Variants in RPL3L observed in about 807,000 individuals in gnomAD.
The protein encoded by RPL3L is ribosomal protein L3 like.
RPL3L carries 44 observed loss-of-function variants against 44.5 expected under a neutral mutation model. The observed-to-expected ratio is 0.99, with a 90% CI of 0.78 to 1.27. RPL3L has a LOEUF of 1.27. Among genes scored for constraint, RPL3L ranks in the 50% most tolerant of loss-of-function variants. RPL3L has a pLI of 0.00. For missense variants in RPL3L, 631 were observed against 569.1 expected, an observed-to-expected ratio of 1.11 and a Z score of -1.11; for synonymous variants, 292 against 230.7, an observed-to-expected ratio of 1.27 and a Z score of -2.41.
chr16:1,952,128 TA>T (rs775521770), intron 3 of RPL3L, among the ~76,000 whole-genome samples: 13 of 150,854 alleles, frequency 8.6e-5, no homozygotes, highest in Admixed American at 4.0e-4. Flanking sequence ...TTTTTATTTT[TA>T]TTTTTTTTTT....
intron 1 of RPL3L, 24 bp downstream of exon 1, chr16:1,954,605 C>G (rs747026130): frequency 5.8e-6 from 9 of 1,543,260 alleles, no homozygotes; most frequent in African/African-American, 1.4e-5. Context: ...AACCCCAGCC[C>G]ACCCTCACCC....
At position 1,945,605 on chromosome 16, in the gene RPL3L, T is replaced by C. The variant is rs2083114871; in HGVS notation, c.1061A>G (p.His354Arg). 1.9e-6 allele frequency: 3 copies of C among 1,613,788 alleles called. No homozygotes were observed. In the African/African-American group the frequency reaches 4.0e-5, roughly 22 times the overall value. The change falls in exon 9 of 10, where the codon CAT (histidine) becomes CGT (arginine). Residue 354 changes from histidine (H) to arginine (R), a missense_variant. Physicochemically the swap from His to Arg is conservative, Grantham distance 29. Coordinates refer to ENST00000268661, the MANE Select transcript of RPL3L (RefSeq NM_005061.3). The stretch of plus-strand genomic sequence containing the variant: ...ATTCTCCACGGCTTGGCGACTGTGA[T>C]GCACCAGGAGGGACTGGGGAATCCA... ...VITLRKSLLV[H>R]HSRQAVENIE...
In RPL3L at chr16:1,944,714, A is replaced by C; in HGVS notation, c.*123T>G. 8.4e-7 allele frequency: 1 copy of C among 1,195,000 alleles called. No homozygotes were observed. Among genetic ancestry groups the C allele is most frequent in the Non-Finnish European group, 1.2e-6 (1 of 808,594 alleles). The allele number at this position is 1,195,000 out of a possible 1,614,324, so 74.0% of individuals were successfully genotyped here. A position where few individuals can be genotyped will look rare whatever the true frequency, so the allele number is the denominator to read the frequency against. ...ATCGGCTTTGTCTAGGCAGCAGGCAAGGTGAACCCCTTGGGCGGTTACACA... is the reference window on the plus strand; with the variant it reads ...ATCGGCTTTGTCTAGGCAGCAGGCACGGTGAACCCCTTGGGCGGTTACACA... On this transcript the variant is annotated 3_prime_UTR_variant, in exon 10 of 10. Coordinates refer to ENST00000268661, the MANE Select transcript of RPL3L (RefSeq NM_005061.3).
Position 1,945,592 on chromosome 16 carries a change from T to C in RPL3L, c.1074A>G (p.Gln358=), listed in dbSNP as rs758409167. Residue 358 remains glutamine, a synonymous_variant, in exon 9 of 10, where the codon CAA becomes CAG. Transcript: ENST00000268661. The part of the protein sequence containing the change: ...RKSLLVHHSR[Q]AVENIELKFI... ...ACTTGAGCTCAATATTCTCCACGGC[T>C]TGGCGACTGTGATGCACCAGGAGGG... 2 of 1,613,936 alleles carry C rather than the reference T, an allele frequency of 1.2e-6. No homozygotes were observed. The highest frequency in any genetic ancestry group is 1.7e-6 in the Non-Finnish European group (2 of 1,179,976).
chr16:1,951,067 C>A, intron 3 of RPL3L, 88 bp from the exon 4 acceptor site: 1 of 1,527,846 alleles, frequency 6.5e-7, no homozygotes, highest in Non-Finnish European at 8.8e-7. Flanking sequence ...CCCAGCCCAC[C>A]AAGCAGGGGT....
Position 1,951,009 on chromosome 16 carries a change from G to A in RPL3L, c.366-30C>T, listed in dbSNP as rs199584535. The A allele has an allele frequency of 1.1e-4, 181 of 1,608,692 alleles. No individual in the cohort carries two copies. The East Asian group carries it at 3.7e-3, about 33-fold the overall frequency. On this transcript the variant is annotated intron_variant, in intron 3 of 9. Coordinates refer to ENST00000268661, the MANE Select transcript of RPL3L (RefSeq NM_005061.3). ...GCCATGCACAGGAGGGTGCTCAGAA[G>A]CCCCCAACCGGGGCAGCTCCCCAGG... is the stretch of plus-strand genomic sequence containing the variant.
At chr16:1,954,262 G>A in intron 1 of RPL3L, 114 bp from the exon 2 acceptor site, 2 of 1,126,326 alleles carry the variant, frequency 1.8e-6, no homozygotes, top group Admixed American at 3.2e-5. Flanking sequence ...TGAGGCCTGT[G>A]CTCAGCACCT....
intron 3 of RPL3L, 131 bp downstream of exon 3, chr16:1,952,743 C>T: frequency 1.9e-6 from 2 of 1,034,556 alleles, no homozygotes; most frequent in Non-Finnish European, 2.8e-6. Context: ...ACACTCCTAC[C>T]TCCCACAGAC....
intron 4 of RPL3L, 149 bp downstream of exon 4, chr16:1,950,695 C>A: frequency 8.1e-7 from 1 of 1,232,882 alleles, no homozygotes; most frequent in Non-Finnish European, 1.1e-6. Flanking sequence ...CCTGGGGCTG[C>A]ACGTGGCCAG....
chr16:1,954,154 G>C lies in RPL3L; in HGVS notation c.4-6C>G, dbSNP rs761893389. The C allele has an allele frequency of 5.7e-6, 9 of 1,566,924 alleles. No homozygotes were observed. The South Asian group carries it at 8.3e-5, about 14-fold the overall frequency. On this transcript the variant is annotated splice_region_variant and splice_polypyrimidine_tract_variant and intron_variant, in intron 1 of 9. Coordinates refer to ENST00000268661, the MANE Select transcript of RPL3L (RefSeq NM_005061.3). ...GCGGAAAACTTCCGGTGGGACTGGG[G>C]GGCAGGAAGGAAGGAGGTCAGACCT...
Position 1,944,909 on chromosome 16 carries a change from G to C in RPL3L, c.1168-16C>G, listed in dbSNP as rs771731528. 4 of 1,605,404 alleles carry C rather than the reference G, an allele frequency of 2.5e-6. No homozygotes were observed. The highest frequency in any genetic ancestry group is 2.3e-5 in the East Asian group (1 of 44,414). On this transcript the variant is annotated splice_polypyrimidine_tract_variant and intron_variant, in intron 9 of 9. Transcript: ENST00000268661. ...TTTGGGGGCCCTGGTTGAGAGGGTGGTGCAGGAGGAGCCTTAGTCACTCTG... is the reference window on the plus strand; with the variant it reads ...TTTGGGGGCCCTGGTTGAGAGGGTGCTGCAGGAGGAGCCTTAGTCACTCTG...
Position 1,944,748 on chromosome 16 carries a change from A to C in RPL3L, c.*89T>G, listed in dbSNP as rs2531332. 644,470 of 1,570,090 alleles carry C rather than the reference A, an allele frequency of 0.41. 137,591 individuals are homozygous for C. Among genetic ancestry groups the C allele is most frequent in the South Asian group, 0.62 (55,858 of 90,240 alleles). Reference sequence around the variant, plus strand: ...CCTTGGGCGGTTACACAGCGCTCTGAGACCTCGCAGGAAGAGTCGCCTCCG... The same window carrying C: ...CCTTGGGCGGTTACACAGCGCTCTGCGACCTCGCAGGAAGAGTCGCCTCCG... On this transcript the variant is annotated 3_prime_UTR_variant, in exon 10 of 10. Coordinates refer to ENST00000268661, the MANE Select transcript of RPL3L (RefSeq NM_005061.3).
At position 1,950,889 on chromosome 16, in the gene RPL3L, G is replaced by T. The variant is rs148464643; in HGVS notation, c.456C>A (p.Ala152=). ...GAATGACCTTGCAGTACTTCTTCAT[G>T]GCGGCGAAGTCCTTCTGTAGCTGCT... ...GKKQLQKDFA[A]MKKYCKVIRV... is the part of the protein sequence containing the mutation. The change falls in exon 4 of 10, where the codon GCC becomes GCA. Residue 152 remains alanine, a synonymous_variant. Transcript: ENST00000268661. The T allele has an allele frequency of 2.5e-3, 4,072 of 1,614,088 alleles. 7 individuals carry two copies. The highest frequency in any genetic ancestry group is 3.1e-3 in the Non-Finnish European group (3,680 of 1,179,980).
intron 2 of RPL3L, among the ~76,000 whole-genome samples, chr16:1,953,722 C>T (rs1400193078): frequency 6.6e-6 from 1 of 152,244 alleles, no homozygotes; most frequent in Non-Finnish European, 1.5e-5. Flanking sequence ...GCCCCGGTGA[C>T]TGGACCAGGT....
In RPL3L at chr16:1,953,716, C is replaced by T. The variant is rs560505353; in HGVS notation, c.196+240G>A. Among the ~76,000 whole-genome samples the T allele has an allele frequency of 2.0e-5, 3 of 152,342 alleles. No individual in the cohort carries two copies. The East Asian group carries it at 5.8e-4, about 29-fold the overall frequency. ...ATCCTAGCTCCTGCGCTTACCGCCC[C>T]GGTGACTGGACCAGGTTCCTCACTG... On this transcript the variant is annotated intron_variant, in intron 2 of 9. Transcript: ENST00000268661.
intron 3 of RPL3L, 145 bp downstream of exon 3, chr16:1,952,729 A>G: frequency 2.2e-6 from 2 of 913,798 alleles, no homozygotes; most frequent in East Asian, 2.6e-5. Context: ...ACACACACAC[A>G]CAGACACTCC....
At chr16:1,951,909 CA>C (rs1255070241) in intron 3 of RPL3L, among the ~76,000 whole-genome samples, 2 of 151,802 alleles carry the variant, frequency 1.3e-5, no homozygotes, top group African/African-American at 4.8e-5. Context: ...CTAGGAAACT[CA>C]GAGCCAATGC....
At chr16:1,945,798 C>A (rs767589010) in intron 8 of RPL3L, 37 bp downstream of exon 8, 48 of 1,610,412 alleles carry the variant, frequency 3.0e-5, no homozygotes, top group Non-Finnish European at 4.0e-5. Context: ...TGGCAGCCCT[C>A]GGGCACCCAC....
intron 3 of RPL3L, among the ~76,000 whole-genome samples, chr16:1,952,520 G>A (rs567076037): frequency 4.5e-4 from 69 of 151,824 alleles, no homozygotes; most frequent in Non-Finnish European, 8.5e-4. Context: ...GACTACAGGT[G>A]CGCACCACCC....
Sources: gnomAD v4.1 joint callset for allele counts (sites outside exome capture counted in the v4.1 genomes callset) on GRCh38, gnomAD v4.1.1 for gene constraint, MANE v1.5 for transcripts, NCBI Gene and HGNC (gene_info 2026-07-23, HGNC 2026-07-21) for gene names.